NEU4: variants seen among roughly 807,000 people sequenced by gnomAD.
The protein encoded by NEU4 is sialidase-4.
A neutral mutation model predicts 9.9 loss-of-function variants in NEU4; 7 were observed. The observed-to-expected ratio is 0.71, with a 90% CI of 0.40 to 1.33. The LOEUF (loss-of-function observed/expected upper bound fraction) is 1.33, where lower values mean the gene tolerates loss of function less well. Ranked by LOEUF, NEU4 falls within the 40% of genes most tolerant of loss-of-function variation. The probability of loss-of-function intolerance (pLI) is 0.01; values close to 1 mark genes in which losing one functional copy is unlikely to be tolerated. For missense variants in NEU4, 717 were observed against 712.6 expected (o/e 1.01, Z -0.07); for synonymous variants, 348 against 316.9 (o/e 1.10, Z -1.04).
intron 3 of NEU4, chr2:241,815,650 C>T (rs1194915832): frequency 7.7e-6 from 4 of 517,114 alleles, no homozygotes; most frequent in Non-Finnish European, 1.5e-5. Flanking sequence ...AGGGCCTGGC[C>T]AGGCCTCACC....
chr2:241,814,148 G>T, intron 1 of NEU4: 1 of 631,276 alleles, frequency 1.6e-6, no homozygotes. Context: ...TGGCTGGCAG[G>T]GTCCCGGGGG....
intron 3 of NEU4, chr2:241,815,845 G>A: frequency 3.3e-6 from 2 of 613,868 alleles, no homozygotes; most frequent in East Asian, 2.8e-5. Flanking sequence ...CCGTCCACCT[G>A]GGCTCGGCTG....
In NEU4 at chr2:241,814,670, C is replaced by T. The variant is rs777284867; in HGVS notation, c.186C>T (p.Ala62=). The part of the protein sequence containing the change: ...HRLVLRRGTL[A]GGSVRWGALH... The stretch of plus-strand genomic sequence containing the variant: ...TGGTGCTGAGGAGGGGCACGCTGGC[C>T]GGGGGCTCCGTGCGGGTGAGTGAGT... Residue 62 remains alanine (A), a synonymous_variant, in exon 2 of 4, where the codon GCC becomes GCT. Coordinates refer to ENST00000407683, the MANE Select transcript of NEU4 (RefSeq NM_001167600.3). 59 of 1,556,596 alleles carry T rather than the reference C, an allele frequency of 3.8e-5. No individual in the cohort carries two copies. The highest frequency in any genetic ancestry group is 4.4e-5 in the Non-Finnish European group (51 of 1,153,032).
At position 241,816,575 on chromosome 2, in the gene NEU4, C is replaced by T. The variant is rs1700352008; in HGVS notation, c.982C>T (p.Gln328Ter). 3.7e-6 allele frequency: 6 copies of T among 1,605,896 alleles called. No homozygotes were observed. The highest frequency in any genetic ancestry group is 5.1e-6 in the Non-Finnish European group (6 of 1,176,998). The change falls in exon 4 of 4, where the codon CAG becomes TAG. Residue 328 changes from glutamine to a stop codon, truncating the protein, a stop_gained. Coordinates refer to ENST00000407683, the MANE Select transcript of NEU4 (RefSeq NM_001167600.3). LOFTEE classifies it low-confidence loss of function (END_TRUNC). ...GGCTGCTGTAGACCCCCGTGGAGGC[C>T]AGGTGCCTGGTGGGCCCTTCAGCCG... ...EEAAVDPRGG[Q>*]VPGGPFSRLQ...
At position 241,816,205 on chromosome 2, in the gene NEU4, C is replaced by A. The variant is rs554980524; in HGVS notation, c.612C>A (p.Asp204Glu). 3 of 1,612,548 alleles carry A rather than the reference C, an allele frequency of 1.9e-6. No homozygotes were observed. Among genetic ancestry groups the A allele is most frequent in the Admixed American group, 1.7e-5 (1 of 59,988 alleles). ...ACTCCTTCGCCTTCTACAGCGATGA[C>A]CACGGCCGCACCTGGCGCTGTGGAG... is the stretch of plus-strand genomic sequence containing the variant. ...SPHSFAFYSD[D>E]HGRTWRCGGL... is the part of the protein sequence containing the mutation. The change falls in exon 4 of 4, where the codon GAC becomes GAA. Residue 204 changes from aspartate to glutamate, a missense_variant. Transcript: ENST00000407683.
intron 3 of NEU4, chr2:241,815,794 GCT>G (rs1173424210): frequency 5.4e-5 from 32 of 591,162 alleles, no homozygotes; most frequent in Non-Finnish European, 9.7e-5. Flanking sequence ...CCTGCCCTCC[GCT>G]CTCTCTGTGT....
At position 241,816,173 on chromosome 2, in the gene NEU4, A is replaced by G. The variant is rs961575217; in HGVS notation, c.580A>G (p.Ser194Gly). Residue 194 changes from serine (S) to glycine (G), a missense_variant, in exon 4 of 4, where the codon AGC (serine) becomes GGC (glycine). Transcript: ENST00000407683. ...RECFGKICRTSPHSFAFYSDD... is the reference protein window; with the variant it reads ...RECFGKICRTGPHSFAFYSDD... The stretch of plus-strand genomic sequence containing the variant: ...GTGTTTTGGCAAGATCTGCCGGACC[A>G]GCCCTCACTCCTTCGCCTTCTACAG... 6 of 1,612,520 alleles carry G rather than the reference A, an allele frequency of 3.7e-6. No individual in the cohort carries two copies. The Admixed American group carries it at 6.7e-5, about 18-fold the overall frequency.
intron 1 of NEU4, 129 bp from the exon 2 acceptor site, chr2:241,814,353 C>A: frequency 1.2e-6 from 1 of 853,656 alleles, no homozygotes; most frequent in Non-Finnish European, 1.9e-6. Context: ...AAGGTGGGTA[C>A]AGGAAGAGGC....
chr2:241,814,870 C>A (rs371883243), intron 2 of NEU4, 22 bp from the exon 3 acceptor site: 7 of 1,594,598 alleles, frequency 4.4e-6, no homozygotes, highest in East Asian at 2.2e-5. Flanking sequence ...TCCTGGTCAG[C>A]GGAACTTCCT....
intron 1 of NEU4, among the ~76,000 whole-genome samples, chr2:241,812,484 T>TG (rs1700153674): frequency 4.1e-5 from 1 of 24,322 alleles, no homozygotes; most frequent in African/African-American, 1.2e-4. Flanking sequence ...CAGAGGGGCC[T>TG]GCCGAGGACA....
intron 3 of NEU4, 24 bp from the exon 4 acceptor site, chr2:241,816,027 C>T: frequency 2.6e-6 from 4 of 1,566,468 alleles, no homozygotes; most frequent in Non-Finnish European, 3.5e-6. Flanking sequence ...GCAGCCCCTC[C>T]CACCTCTGCC....
At chr2:241,813,103 G>C (rs566148375) in intron 1 of NEU4, among the ~76,000 whole-genome samples, 18 of 152,186 alleles carry the variant, frequency 1.2e-4, no homozygotes, top group Admixed American at 5.9e-4. Flanking sequence ...TTCAGGAACC[G>C]GTGGCCCAGG....
intron 2 of NEU4, 30 bp downstream of exon 2, chr2:241,814,715 G>T: frequency 1.3e-6 from 2 of 1,528,846 alleles, no homozygotes. Context: ...CTCTGTGTGG[G>T]TGTAGTGGCC....
rs886917483 is a variant in NEU4, at chr2:241,817,309, C to T, written c.*261C>T. ...CCCCCACAGCTCCCTTCCGAGGCTG[C>T]AGGGCCAGGCGCGGGACCGCAGGTA... On this transcript the variant is annotated 3_prime_UTR_variant, in exon 4 of 4. Transcript: ENST00000407683. The T allele has an allele frequency of 1.7e-5, 8 of 467,212 alleles. No homozygotes were observed. Among genetic ancestry groups the T allele is most frequent in the African/African-American group, 1.2e-4 (6 of 50,166 alleles). 28.9% of individuals were successfully genotyped at this position (467,212 alleles called of 1,614,324 possible).
rs773551409 is a variant in NEU4 at position 241,814,900 on chromosome 2, C to G, written c.210C>G (p.Ala70=). Residue 70 remains alanine (A), a synonymous_variant, in exon 3 of 4, where the codon GCC becomes GCG. Coordinates refer to ENST00000407683, the MANE Select transcript of NEU4 (RefSeq NM_001167600.3). ...CTTCCTCCTCTGGGCAGTGGGGTGC[C>G]CTGCACGTGCTGGGGACAGCAGCCC... The part of the protein sequence containing the change: ...TLAGGSVRWG[A]LHVLGTAALA... 4 of 1,609,792 alleles carry G rather than the reference C, an allele frequency of 2.5e-6. No homozygotes were observed. The South Asian group carries it at 4.4e-5, about 18-fold the overall frequency.
At chr2:241,811,478 T>C in intron 1 of NEU4, 1 of 1,556,632 alleles carries the variant, frequency 6.4e-7, no homozygotes, top group Non-Finnish European at 8.7e-7. Context: ...CCCTGCCCTT[T>C]GCACCCCCAG....
rs1179829869 is a variant in NEU4 at position 241,809,269 on chromosome 2, A to T, written c.-9A>T. ...CTGCCTTTGAGGTTGGCGGGAACTG[A>T]AACTGGTACGGTCTTTTTGAATAGA... On this transcript the variant is annotated 5_prime_UTR_variant, in exon 1 of 4. Transcript: ENST00000407683. 7.8e-7 allele frequency: 1 copy of T among 1,288,196 alleles called. No homozygotes were observed. The highest frequency in any genetic ancestry group is 1.2e-5 in the South Asian group (1 of 81,006). The allele number at this position is 1,288,196 out of a possible 1,614,324, so 79.8% of individuals were successfully genotyped here.
chr2:241,815,423 A>T, intron 3 of NEU4: 1 of 315,674 alleles, frequency 3.2e-6, no homozygotes, highest in Non-Finnish European at 5.9e-6. Flanking sequence ...ACCGTCCTGC[A>T]CCTCCCGTCC....
intron 3 of NEU4, chr2:241,815,453 C>A: frequency 3.2e-6 from 1 of 311,542 alleles, no homozygotes; most frequent in Non-Finnish European, 6.7e-6. Flanking sequence ...GGGTATTGAT[C>A]ACCCCCAGTC....
Sources: allele counts gnomAD v4.1 joint callset (sites outside exome capture counted in the v4.1 genomes callset), GRCh38; gene constraint gnomAD v4.1.1; transcripts MANE v1.5; gene names NCBI Gene and HGNC (gene_info 2026-07-23, HGNC 2026-07-21).